Variants in CDK14 observed in about 807,000 individuals in gnomAD.
CDK14 encodes cyclin dependent kinase 14.
Under a neutral mutation model 60.7 loss-of-function variants are expected in CDK14, and 34 were observed. That is an observed-to-expected ratio of 0.56 (90% CI 0.43 to 0.75). The LOEUF (loss-of-function observed/expected upper bound fraction) is 0.75, where lower values mean the gene tolerates loss of function less well. Among genes scored for constraint, CDK14 ranks in the 30% least tolerant of loss-of-function variants. CDK14 has a pLI of 0.00. For missense variants in CDK14, 482 were observed against 564.1 expected (o/e 0.85, Z 1.47); for synonymous variants, 197 against 203.7 (o/e 0.97, Z 0.28).
chr7:90,768,885 G>T (rs1227987141), intron 4 of CDK14, among the ~76,000 whole-genome samples: 1 of 152,148 alleles, frequency 6.6e-6, no homozygotes, highest in Non-Finnish European at 1.5e-5. Flanking sequence ...AGACTAAGTT[G>T]CTTATCTACC....
chr7:90,765,475 C>G (rs920347621), intron 4 of CDK14, among the ~76,000 whole-genome samples: 1 of 151,764 alleles, frequency 6.6e-6, no homozygotes, highest in Non-Finnish European at 1.5e-5. Context: ...AGAGAGGTGG[C>G]GAGAAAACCA....
At chr7:90,936,711 A>G (rs1158727556) in intron 8 of CDK14, among the ~76,000 whole-genome samples, 2 of 152,176 alleles carry the variant, frequency 1.3e-5, no homozygotes, top group Admixed American at 1.3e-4. Context: ...TCACAAAATA[A>G]TTAACTGCTC....
intron 14 of CDK14, among the ~76,000 whole-genome samples, chr7:91,158,835 C>T (rs1801074685): frequency 6.6e-6 from 1 of 152,086 alleles, no homozygotes; most frequent in South Asian, 2.1e-4. Context: ...CCCTGGCTGT[C>T]TAGAGGCAAC....
intron 2 of CDK14, among the ~76,000 whole-genome samples, chr7:90,638,830 C>G (rs1231773753): frequency 6.6e-6 from 1 of 151,474 alleles, no homozygotes; most frequent in Admixed American, 6.6e-5. Context: ...TTGTTCGTTT[C>G]TTTTTATTCT....
chr7:90,874,880 T>C (rs1014055460), intron 6 of CDK14, among the ~76,000 whole-genome samples: 4 of 152,166 alleles, frequency 2.6e-5, no homozygotes, highest in African/African-American at 9.6e-5. Flanking sequence ...ATACAATTCA[T>C]GTAACAAAGT....
intron 2 of CDK14, among the ~76,000 whole-genome samples, chr7:90,701,581 A>C (rs760424336): frequency 3.9e-5 from 6 of 152,188 alleles, no homozygotes; most frequent in Non-Finnish European, 7.3e-5. Context: ...TTAAAACAAG[A>C]CATCTATTAA....
At chr7:91,095,789 G>A (rs1798965672) in intron 12 of CDK14, among the ~76,000 whole-genome samples, 1 of 151,986 alleles carries the variant, frequency 6.6e-6, no homozygotes, top group Non-Finnish European at 1.5e-5. Context: ...TTACTGAAAT[G>A]TAATATACAA....
chr7:90,810,185 C>G, intron 5 of CDK14, among the ~76,000 whole-genome samples: 1 of 152,092 alleles, frequency 6.6e-6, no homozygotes, highest in East Asian at 1.9e-4. Context: ...AATTTTAGAC[C>G]AATATCCCTC....
At chr7:90,870,661 CT>C (rs980250460) in intron 6 of CDK14, among the ~76,000 whole-genome samples, 3 of 151,890 alleles carry the variant, frequency 2.0e-5, no homozygotes, top group Non-Finnish European at 4.4e-5. Context: ...TAAGGTAAAT[CT>C]AGAATGTAAA....
rs796093975 is a variant in CDK14, at chr7:90,598,704, A to ATTTTTTTTTTTTTTTTTTTTTT, written c.91+2004_91+2005insTTTTTTTTTTTTTTTTTTTTTT. Among the ~76,000 whole-genome samples the ATTTTTTTTTTTTTTTTTTTTTT allele has an allele frequency of 9.1e-5, 8 of 87,898 alleles. 1 individual carries two copies. The highest frequency in any genetic ancestry group is 2.9e-4 in the East Asian group (1 of 3,444). The allele number at this position is 87,898 out of a possible 152,430, so 57.7% of individuals were successfully genotyped here. A position where few individuals can be genotyped will look rare whatever the true frequency, so the allele number is the denominator to read the frequency against. ...GTGAACTCATTCTGATTATCTAAGGATTTTTTTTTTTTTTTTTTGAGACGG... is the reference window on the plus strand; with the variant it reads ...GTGAACTCATTCTGATTATCTAAGGATTTTTTTTTTTTTTTTTTTTTTTTTTTTTTTTTTTTTTTTGAGACGG... On this transcript the variant is annotated intron_variant, in intron 1 of 14. Coordinates refer to ENST00000380050, the MANE Select transcript of CDK14 (RefSeq NM_001287135.2).
chr7:91,099,403 G>A (rs1799095117), intron 12 of CDK14, among the ~76,000 whole-genome samples: 2 of 152,230 alleles, frequency 1.3e-5, no homozygotes, highest in African/African-American at 4.8e-5. Context: ...AAAAATGAGA[G>A]TTGTCTGTTT....
At chr7:90,938,676 T>A (rs564925444) in intron 8 of CDK14, among the ~76,000 whole-genome samples, 1 of 152,366 alleles carries the variant, frequency 6.6e-6, no homozygotes, top group East Asian at 1.9e-4. Flanking sequence ...TTCTGTTAAA[T>A]GGCTTACCTT....
intron 3 of CDK14, among the ~76,000 whole-genome samples, chr7:90,735,700 G>A (rs376962152): frequency 1.8e-4 from 28 of 152,286 alleles, no homozygotes; most frequent in African/African-American, 5.8e-4. Flanking sequence ...GTCCCAGGTC[G>A]ACTTCACACT....
chr7:90,637,271 T>A (rs1405880001), intron 2 of CDK14, among the ~76,000 whole-genome samples: 8 of 151,620 alleles, frequency 5.3e-5, no homozygotes, highest in Admixed American at 5.2e-4. Context: ...TGTGGGCATT[T>A]AGTGCTATAA....
intron 4 of CDK14, among the ~76,000 whole-genome samples, chr7:90,787,966 G>A (rs574815327): frequency 9.9e-5 from 15 of 152,254 alleles, no homozygotes; most frequent in Non-Finnish European, 2.1e-4. Context: ...AATGAGTGTT[G>A]ATTCAATTAA....
chr7:90,763,153 C>T (rs62469752), intron 4 of CDK14, among the ~76,000 whole-genome samples: 1 of 152,100 alleles, frequency 6.6e-6, no homozygotes, highest in South Asian at 2.1e-4. Flanking sequence ...TGTCAAAATA[C>T]GTGAGGCAAA....
At chr7:91,196,688 A>G (rs1285940435) in intron 14 of CDK14, among the ~76,000 whole-genome samples, 1 of 152,208 alleles carries the variant, frequency 6.6e-6, no homozygotes, top group Admixed American at 6.5e-5. Flanking sequence ...AAGTTCAACA[A>G]CCTCATTAGA....
intron 14 of CDK14, among the ~76,000 whole-genome samples, chr7:91,187,513 C>T (rs1802227109): frequency 6.6e-6 from 1 of 152,000 alleles, no homozygotes; most frequent in South Asian, 2.1e-4. Flanking sequence ...TGAAGTGATC[C>T]CTGAATGCTA....
intron 2 of CDK14, among the ~76,000 whole-genome samples, chr7:90,636,424 A>G (rs4476930): frequency 0.6 from 90,703 of 151,704 alleles, 27,558 homozygotes; most frequent in East Asian, 0.71. Flanking sequence ...CTGTTTATAT[A>G]CTGGATTACA....
Sources: gnomAD v4.1 joint callset for allele counts (sites outside exome capture counted in the v4.1 genomes callset) on GRCh38, gnomAD v4.1.1 for gene constraint, MANE v1.5 for transcripts, NCBI Gene and HGNC (gene_info 2026-07-23, HGNC 2026-07-21) for gene names.